Variants in RTN3 observed in about 807,000 individuals in gnomAD.
RTN3 encodes the protein reticulon 3.
RTN3 carries 49 observed loss-of-function variants against 77.8 expected under a neutral mutation model. That is an observed-to-expected ratio of 0.63 (90% confidence interval 0.50 to 0.80). RTN3 has a LOEUF of 0.80. Ranked by LOEUF, RTN3 falls within the 30% of genes least tolerant of loss-of-function variation. RTN3 has a pLI of 0.00. For missense variants in RTN3, 1,236 were observed against 1,211.9 expected (o/e 1.02, Z -0.29); for synonymous variants, 464 against 446.9 (o/e 1.04, Z -0.48).
upstream of RTN3, chr11:63,681,499 C>T (rs1461656150): frequency 1.3e-5 from 11 of 868,882 alleles, no homozygotes; most frequent in East Asian, 3.2e-5. Context: ...CTGAGTCAGT[C>T]AGTCTGTCGG....
At chr11:63,712,382 C>T (rs1255748434) in intron 2 of RTN3, among the ~76,000 whole-genome samples, 1 of 152,038 alleles carries the variant, frequency 6.6e-6, no homozygotes, top group African/African-American at 2.4e-5. Context: ...ATCCTCACAG[C>T]AGTTCTAAAG....
At chr11:63,754,889 CTGCAT>C (rs2014291001) in intron 7 of RTN3, among the ~76,000 whole-genome samples, 2 of 139,610 alleles carry the variant, frequency 1.4e-5, no homozygotes, top group African/African-American at 5.4e-5. Context: ...GATCGCGCCA[CTGCAT>C]TCCAGCCTGG....
intron 1 of RTN3, among the ~76,000 whole-genome samples, chr11:63,691,471 G>C (rs1187406905): frequency 1.3e-5 from 2 of 151,888 alleles, no homozygotes; most frequent in African/African-American, 4.8e-5. Context: ...TGCCTAGGCT[G>C]GTATTGAACT....
chr11:63,681,635 C>T lies in RTN3; in HGVS notation c.-2C>T. The T allele has an allele frequency of 6.3e-7, 1 of 1,588,642 alleles. No homozygotes were observed. The highest frequency in any genetic ancestry group is 8.6e-7 in the Non-Finnish European group (1 of 1,165,442). On this transcript the variant is annotated 5_prime_UTR_variant, in exon 1 of 9. Transcript: ENST00000377819. ...CCTTCTCCCACCCTCGCTCGCGTAG[C>T]CATGGCGGAGCCGTCGGCGGCCACT... is the stretch of plus-strand genomic sequence containing the variant.
rs755524124 is a variant in RTN3 at position 63,719,296 on chromosome 11, A to G, written c.794A>G (p.Tyr265Cys). The G allele has an allele frequency of 2.5e-6, 4 of 1,614,196 alleles. No individual in the cohort carries two copies. The highest frequency in any genetic ancestry group is 2.2e-5 in the South Asian group (2 of 91,080). Residue 265 changes from tyrosine to cysteine, a missense_variant, in exon 3 of 9, where the codon TAT becomes TGT. Physicochemically the swap from Tyr to Cys is radical, Grantham distance 194. Around this residue, in one of 3 missense-constraint regions of RTN3, gnomAD observed 1,056 missense variants for 990.4 expected, o/e 1.07. Transcript: ENST00000377819. ...AAFDKEFKDS[Y>C]KESTDDFGSW... ...TTTGACAAAGAATTTAAAGACTCATATAAGGAGAGCACAGATGATTTTGGT... is the reference window on the plus strand; with the variant it reads ...TTTGACAAAGAATTTAAAGACTCATGTAAGGAGAGCACAGATGATTTTGGT...
At chr11:63,732,676 TAAAG>T (rs2012779574) in intron 3 of RTN3, among the ~76,000 whole-genome samples, 2 of 152,170 alleles carry the variant, frequency 1.3e-5, no homozygotes, top group Admixed American at 6.5e-5. Flanking sequence ...CAATTTATAT[TAAAG>T]AAATTAAATT....
chr11:63,738,286 GA>G (rs1180313468), intron 3 of RTN3, among the ~76,000 whole-genome samples: 1 of 151,928 alleles, frequency 6.6e-6, no homozygotes, highest in Non-Finnish European at 1.5e-5. Flanking sequence ...ATGTGTTATA[GA>G]CAAGTTTTAA....
chr11:63,734,781 A>ACACACACACACACACACACACCCCCCCC (rs778043704), intron 3 of RTN3, among the ~76,000 whole-genome samples: 1 of 105,000 alleles, frequency 9.5e-6, no homozygotes, highest in African/African-American at 3.9e-5. Flanking sequence ...ACACACACAC[A>ACACACACACACACACACACACCCCCCCC]CCATACTGGA....
At chr11:63,749,849 C>A in intron 3 of RTN3, 142 bp from the exon 4 acceptor site, 2 of 658,448 alleles carry the variant, frequency 3.0e-6, no homozygotes, top group East Asian at 5.4e-5. Flanking sequence ...TAGTGAGACC[C>A]CATCTCTTTA....
chr11:63,731,238 G>T (rs535304384), intron 3 of RTN3, among the ~76,000 whole-genome samples: 2 of 151,726 alleles, frequency 1.3e-5, no homozygotes, highest in South Asian at 4.2e-4. Flanking sequence ...GTACCACCAC[G>T]CCCACTAATT....
At chr11:63,740,215 G>A (rs1414913989) in intron 3 of RTN3, among the ~76,000 whole-genome samples, 1 of 151,870 alleles carries the variant, frequency 6.6e-6, no homozygotes, top group African/African-American at 2.4e-5. Flanking sequence ...TCATAGAAAA[G>A]TTTATATGGA....
In RTN3 at chr11:63,708,448, G is replaced by A. The variant is rs192901203; in HGVS notation, c.199+3541G>A. Among the ~76,000 whole-genome samples the A allele has an allele frequency of 2.6e-3, 396 of 152,226 alleles. 1 individual carries two copies. Among genetic ancestry groups the A allele is most frequent in the Non-Finnish European group, 4.7e-3 (318 of 68,008 alleles). On this transcript the variant is annotated intron_variant, in intron 2 of 8. Transcript: ENST00000377819. The stretch of plus-strand genomic sequence containing the variant: ...CAAAGTGCTGGGATTACAGGCATGA[G>A]CCACCATACCTGGCCTAAATAGGAC...
At chr11:63,742,771 G>A (rs2013562479) in intron 3 of RTN3, among the ~76,000 whole-genome samples, 1 of 152,174 alleles carries the variant, frequency 6.6e-6, no homozygotes, top group African/African-American at 2.4e-5. Flanking sequence ...CATTAATTTA[G>A]ATCTTTGTTG....
At position 63,719,290 on chromosome 11, in the gene RTN3, A is replaced by C; in HGVS notation, c.788A>C (p.Asp263Ala). 1 of 1,614,102 alleles carries C rather than the reference A, an allele frequency of 6.2e-7. No homozygotes were observed. Among genetic ancestry groups the C allele is most frequent in the South Asian group, 1.1e-5 (1 of 91,072 alleles). ...DKAAFDKEFKDSYKESTDDFG... is the reference protein window; with the variant it reads ...DKAAFDKEFKASYKESTDDFG... ...GCAGCATTTGACAAAGAATTTAAAG[A>C]CTCATATAAGGAGAGCACAGATGAT... Residue 263 changes from aspartate to alanine, a missense_variant, in exon 3 of 9, where the codon GAC (aspartate) becomes GCC (alanine). By Grantham distance (126) the Asp-to-Ala change is moderately radical. Transcript: ENST00000377819.
chr11:63,754,925 C>CAAAAAAAA (rs373589429), intron 7 of RTN3, among the ~76,000 whole-genome samples: 1 of 96,958 alleles, frequency 1.0e-5, no homozygotes, highest in Non-Finnish European at 1.9e-5. Context: ...GACTCTGTCT[C>CAAAAAAAA]AAAAAAAAAA....
chr11:63,681,779 G>A lies in RTN3; in HGVS notation c.142+1G>A. On this transcript the variant is annotated splice_donor_variant, in intron 1 of 8. Transcript: ENST00000377819. LOFTEE classifies it high-confidence loss of function. ...AAGAGCTGCAGCTCCTCCTGTGCGG[G>A]TAAGGCGCGCGGGGAGCCCCCGCCC... 1 of 1,574,026 alleles carries A rather than the reference G, an allele frequency of 6.4e-7. No homozygotes were observed. Among genetic ancestry groups the A allele is most frequent in the Non-Finnish European group, 8.6e-7 (1 of 1,164,446 alleles).
intron 1 of RTN3, among the ~76,000 whole-genome samples, chr11:63,691,895 T>C (rs1305731056): frequency 6.6e-6 from 1 of 152,200 alleles, no homozygotes; most frequent in Non-Finnish European, 1.5e-5. Context: ...AAAATGCAAG[T>C]TGGATCATGT....
intron 1 of RTN3, among the ~76,000 whole-genome samples, chr11:63,687,030 TG>T (rs1941412262): frequency 6.6e-6 from 1 of 152,254 alleles, no homozygotes; most frequent in South Asian, 2.1e-4. Flanking sequence ...TTTCACACTT[TG>T]TTCTACCATA....
chr11:63,721,273 C>T (rs976529525), intron 3 of RTN3, among the ~76,000 whole-genome samples: 14 of 152,056 alleles, frequency 9.2e-5, no homozygotes, highest in Admixed American at 2.6e-4. Flanking sequence ...TAATCTTCCC[C>T]TAAATATTTT....
Sources: gnomAD v4.1 joint callset for allele counts (sites outside exome capture counted in the v4.1 genomes callset) on GRCh38, gnomAD v4.1.1 for gene constraint, gnomAD v4.1.1 regional missense constraint, MANE v1.5 for transcripts, NCBI Gene and HGNC (gene_info 2026-07-23, HGNC 2026-07-21) for gene names.